The following TMEM94 variants were observed in gnomAD, a reference collection of about 807,000 sequenced individuals.
TMEM94 encodes the protein transmembrane protein 94.
TMEM94 carries 81 observed loss-of-function variants against 158.6 expected under a neutral mutation model. That is an observed-to-expected ratio of 0.51 (90% CI 0.43 to 0.61). The LOEUF (loss-of-function observed/expected upper bound fraction) is 0.61, where lower values mean the gene tolerates loss of function less well. Ranked by LOEUF, TMEM94 falls within the 20% of genes least tolerant of loss-of-function variation. The probability of loss-of-function intolerance (pLI) is 0.00; values close to 1 mark genes in which losing one functional copy is unlikely to be tolerated. For missense variants in TMEM94, 1,435 were observed against 1,762.0 expected, an observed-to-expected ratio of 0.81 and a Z score of 3.32; for synonymous variants, 751 against 730.7, an observed-to-expected ratio of 1.03 and a Z score of -0.45.
intron 2 of TMEM94, among the ~76,000 whole-genome samples, chr17:75,480,707 C>T (rs2051092014): frequency 6.6e-6 from 1 of 152,258 alleles, no homozygotes; most frequent in South Asian, 2.1e-4. Flanking sequence ...GAAACTGTCA[C>T]CTTCCTGAGT....
chr17:75,496,404 A>G lies in TMEM94; in HGVS notation c.3176A>G (p.Asn1059Ser), dbSNP rs775834180. The G allele has an allele frequency of 6.2e-7, 1 of 1,613,930 alleles. No homozygotes were observed. The highest frequency in any genetic ancestry group is 8.5e-7 in the Non-Finnish European group (1 of 1,180,030). ...CCCCTGCAGCTGTCAGGGCAGCTCA[A>G]CAGCCTGCCCTGTTCCCTGACCTTT... ...LSPLQLSGQLNSLPCSLTFRQ... is the reference protein window; with the variant it reads ...LSPLQLSGQLSSLPCSLTFRQ... Residue 1059 changes from asparagine to serine, a missense_variant, in exon 24 of 32, where the codon AAC (asparagine) becomes AGC (serine). Transcript: ENST00000314256.
chr17:75,485,249 G>A lies in TMEM94; in HGVS notation c.25-179G>A, dbSNP rs956921411. On this transcript the variant is annotated intron_variant, in intron 2 of 31. Coordinates refer to ENST00000314256, the MANE Select transcript of TMEM94 (RefSeq NM_014738.6). This position sits in a 1 kb window ranked among gnomAD's most constrained non-coding sequence, Gnocchi z 5.5. ...AGGAGGCTGTGCACTTGAACAGTTT[G>A]TAATTTGGTGGAGATGGACATGGTC... 6 of 625,990 alleles carry A rather than the reference G, an allele frequency of 9.6e-6. No homozygotes were observed. Among genetic ancestry groups the A allele is most frequent in the Non-Finnish European group, 1.6e-5 (6 of 365,090 alleles). The allele number at this position is 625,990 out of a possible 1,614,324, so 38.8% of individuals were successfully genotyped here. A position where few individuals can be genotyped will look rare whatever the true frequency, so the allele number is the denominator to read the frequency against.
chr17:75,478,003 CTTTTTTTTTTTTTTTTTT>C (rs909668190), intron 2 of TMEM94, among the ~76,000 whole-genome samples: 8 of 57,916 alleles, frequency 1.4e-4, no homozygotes, highest in African/African-American at 6.3e-4. Flanking sequence ...GAGACTCCAT[CTTTTTTTTTTTTTTTTTT>C]TTTTTTTTTT....
At chr17:75,486,867 G>T (rs1186602659) in intron 5 of TMEM94, among the ~76,000 whole-genome samples, 1 of 152,234 alleles carries the variant, frequency 6.6e-6, no homozygotes, top group Non-Finnish European at 1.5e-5. Flanking sequence ...AGCTCCAAAA[G>T]GGAGGGGAGT....
At chr17:75,496,677 C>A in intron 24 of TMEM94, 53 bp from the exon 25 acceptor site, 1 of 1,567,364 alleles carries the variant, frequency 6.4e-7, no homozygotes, top group Admixed American at 1.7e-5. Context: ...AGCTGTTGGG[C>A]CTGGGAGAGG....
chr17:75,481,308 C>T (rs2051141822), intron 2 of TMEM94, among the ~76,000 whole-genome samples: 1 of 152,256 alleles, frequency 6.6e-6, no homozygotes, highest in South Asian at 2.1e-4. Context: ...CCATTTCTTT[C>T]TGAGCTGAAA....
intron 6 of TMEM94, 40 bp from the exon 7 acceptor site, chr17:75,488,719 A>AGTG (rs200253348): frequency 0.024 from 38,712 of 1,610,246 alleles, 572 homozygotes; most frequent in Non-Finnish European, 0.028. Flanking sequence ...GGCCTCTGAT[A>AGTG]GGACCCTCTC....
intron 2 of TMEM94, among the ~76,000 whole-genome samples, chr17:75,484,362 T>G (rs2051414498): frequency 7.1e-6 from 1 of 141,402 alleles, no homozygotes; most frequent in Admixed American, 7.1e-5. Context: ...TTTTCCTTCA[T>G]GTCTTTCCTA....
chr17:75,494,023 A>T, intron 18 of TMEM94, 107 bp downstream of exon 18: 1 of 1,075,910 alleles, frequency 9.3e-7, no homozygotes, highest in Non-Finnish European at 1.3e-6. Context: ...CCCACAGCAA[A>T]GGGGGCAGTG....
At position 75,488,927 on chromosome 17, in the gene TMEM94, G is replaced by A. The variant is rs778654192; in HGVS notation, c.764+17G>A. On this transcript the variant is annotated intron_variant, in intron 7 of 31. Coordinates refer to ENST00000314256, the MANE Select transcript of TMEM94 (RefSeq NM_014738.6). ...CAACATCAGGTAGGGGTGCTGCCCC[G>A]CCTCCTCCTGTCCCTGGTGTCTTCT... 1.6e-5 allele frequency: 25 copies of A among 1,543,432 alleles called. No homozygotes were observed. Among genetic ancestry groups the A allele is most frequent in the South Asian group, 3.7e-5 (3 of 80,336 alleles).
At position 75,490,688 on chromosome 17, in the gene TMEM94, C is replaced by G. The variant is rs746455559; in HGVS notation, c.1072-14C>G. 2 of 1,613,604 alleles carry G rather than the reference C, an allele frequency of 1.2e-6. No homozygotes were observed. The highest frequency in any genetic ancestry group is 1.3e-5 in the African/African-American group (1 of 75,040). On this transcript the variant is annotated splice_polypyrimidine_tract_variant and intron_variant, in intron 10 of 31. Coordinates refer to ENST00000314256, the MANE Select transcript of TMEM94 (RefSeq NM_014738.6). ...CGTTTTCCTCACTGAGGACCTCACC[C>G]TCTCTCCGTGCAGCTGGCTAAGTTC... is the stretch of plus-strand genomic sequence containing the variant.
chr17:75,478,349 A>T lies in TMEM94; in HGVS notation c.24+6420A>T, dbSNP rs1437936019. Among the ~76,000 whole-genome samples the T allele has an allele frequency of 3.0e-5, 4 of 131,728 alleles. No homozygotes were observed. The East Asian group carries it at 8.6e-4, about 28-fold the overall frequency. The allele number at this position is 131,728 out of a possible 152,430, so 86.4% of individuals were successfully genotyped here. A position where few individuals can be genotyped will look rare whatever the true frequency, so the allele number is the denominator to read the frequency against. Reference sequence around the variant, plus strand: ...CATCTTAAAAAAAAAAAAAAAAAAAAGAAAGAAAGAAAAGAAAAAGAAAAA... The same window carrying T: ...CATCTTAAAAAAAAAAAAAAAAAAATGAAAGAAAGAAAAGAAAAAGAAAAA... On this transcript the variant is annotated intron_variant, in intron 2 of 31. Coordinates refer to ENST00000314256, the MANE Select transcript of TMEM94 (RefSeq NM_014738.6).
chr17:75,493,808 A>G lies in TMEM94; in HGVS notation c.2299A>G (p.Ile767Val). ...ALSSQLNGKC[I>V]ELVQVPGQSS... ...GTCCTCTCAGCTCAATGGCAAGTGC[A>G]TCGAGCTGGTACAGGTGCCCGGCCA... Residue 767 changes from isoleucine (I) to valine (V), a missense_variant, in exon 18 of 32, where the codon ATC becomes GTC. Physicochemically the swap from Ile to Val is conservative, Grantham distance 29. Coordinates refer to ENST00000314256, the MANE Select transcript of TMEM94 (RefSeq NM_014738.6). 1.2e-6 allele frequency: 2 copies of G among 1,613,960 alleles called. No individual in the cohort carries two copies. Among genetic ancestry groups the G allele is most frequent in the African/African-American group, 1.3e-5 (1 of 75,056 alleles).
intron 1 of TMEM94, among the ~76,000 whole-genome samples, chr17:75,456,958 A>G (rs1214060653): frequency 1.3e-5 from 2 of 151,896 alleles, no homozygotes; most frequent in Non-Finnish European, 2.9e-5. Flanking sequence ...GAGTCTTCAG[A>G]CTCTTGCTCT....
In TMEM94 at chr17:75,492,823, G is replaced by C. The variant is rs1177992112; in HGVS notation, c.1912+34G>C. 3 of 1,586,894 alleles carry C rather than the reference G, an allele frequency of 1.9e-6. No individual in the cohort carries two copies. Among genetic ancestry groups the C allele is most frequent in the Admixed American group, 3.4e-5 (2 of 58,974 alleles). On this transcript the variant is annotated intron_variant, in intron 15 of 31. Coordinates refer to ENST00000314256, the MANE Select transcript of TMEM94 (RefSeq NM_014738.6). This position sits in a 1 kb window ranked among gnomAD's most constrained non-coding sequence, Gnocchi z 4.4. Reference sequence around the variant, plus strand: ...CCCCATGGCAGGGGATGGCTGGCTGGACCCGCCTCCTAGAAGAGGCCCAGT... The same window carrying C: ...CCCCATGGCAGGGGATGGCTGGCTGCACCCGCCTCCTAGAAGAGGCCCAGT...
At chr17:75,475,701 GA>G (rs2050657262) in intron 2 of TMEM94, among the ~76,000 whole-genome samples, 1 of 148,988 alleles carries the variant, frequency 6.7e-6, no homozygotes, top group Non-Finnish European at 1.5e-5. Context: ...CTGCCTGGGG[GA>G]TGCAGGGCCT....
At position 75,483,385 on chromosome 17, in the gene TMEM94, T is replaced by C. The variant is rs182393303; in HGVS notation, c.25-2043T>C. On this transcript the variant is annotated intron_variant, in intron 2 of 31. Coordinates refer to ENST00000314256, the MANE Select transcript of TMEM94 (RefSeq NM_014738.6). ...AGGGTCAAGAATGTTCTAGAGGTGA[T>C]TGGGTGAGACAGTCACTGTGAGAGG... Among the ~76,000 whole-genome samples the C allele has an allele frequency of 4.9e-3, 738 of 151,912 alleles. 7 individuals carry two copies. Among genetic ancestry groups the C allele is most frequent in the African/African-American group, 0.016 (678 of 41,422 alleles).
At position 75,494,755 on chromosome 17, in the gene TMEM94, AAC is replaced by A; in HGVS notation, c.2537_2538del (p.Asn846SerfsTer13). 1 of 1,613,660 alleles carries A rather than the reference AAC, an allele frequency of 6.2e-7. No individual in the cohort carries two copies. Among genetic ancestry groups the A allele is most frequent in the Non-Finnish European group, 8.5e-7 (1 of 1,180,024 alleles). On this transcript the variant is annotated frameshift_variant, in exon 19 of 32. Coordinates refer to ENST00000314256, the MANE Select transcript of TMEM94 (RefSeq NM_014738.6). LOFTEE classifies it high-confidence loss of function. ...DIVRLIDGLV[N>X]ACIRFVYFSL... ...CGTGCGCCTCATTGATGGGCTTGTC[AAC>A]GCCTGCATCCGCTTTGTCTACTTCT...
Position 75,485,970 on chromosome 17 carries a change from G to C in TMEM94, c.244G>C (p.Gly82Arg), listed in dbSNP as rs770060948. Residue 82 changes from glycine (G) to arginine (R), a missense_variant, in exon 4 of 32, where the codon GGC (glycine) becomes CGC (arginine). By Grantham distance (125) the Gly-to-Arg change is moderately radical. Transcript: ENST00000314256. The surrounding 1 kb of genome is among the most constrained non-coding windows in gnomAD (Gnocchi z 5.5). ...GCTACTGGCCGTGCTGCTGCTGCTG[G>C]GCTGCTGCGGGGGACAGCCAGCCGG... The part of the protein sequence containing the change: ...LMLLAVLLLL[G>R]CCGGQPAGSR... The C allele has an allele frequency of 1.7e-5, 28 of 1,612,586 alleles. No homozygotes were observed. Among genetic ancestry groups the C allele is most frequent in the Non-Finnish European group, 2.2e-5 (26 of 1,179,656 alleles).
Sources: gnomAD v4.1 joint callset for allele counts (sites outside exome capture counted in the v4.1 genomes callset) on GRCh38, gnomAD v4.1.1 for gene constraint, Gnocchi (gnomAD v3.1) non-coding constraint, MANE v1.5 for transcripts, NCBI Gene and HGNC (gene_info 2026-07-23, HGNC 2026-07-21) for gene names.